Variants in JPH1 observed in about 807,000 individuals in gnomAD.
JPH1 encodes the protein junctophilin-1.
Under a neutral mutation model 53.6 loss-of-function variants are expected in JPH1, and 12 were observed. The ratio of observed to expected loss-of-function variants is 0.22; its 90% confidence interval spans 0.14 to 0.36. The LOEUF (loss-of-function observed/expected upper bound fraction) is 0.36. Among genes scored for constraint, JPH1 ranks in the 10% least tolerant of loss-of-function variants. The pLI is 1.00. For synonymous variants in JPH1, 375 were observed against 363.8 expected (o/e 1.03, Z -0.35); for missense variants, 808 against 905.5 (o/e 0.89, Z 1.38).
intron 2 of JPH1, among the ~76,000 whole-genome samples, chr8:74,309,437 A>G (rs751111189): frequency 1.5e-4 from 23 of 151,972 alleles, no homozygotes; most frequent in Non-Finnish European, 2.6e-4. Context: ...ATCTTCTTGC[A>G]AGATAATTAT....
At chr8:74,317,372 G>A (rs192735860) in intron 1 of JPH1, among the ~76,000 whole-genome samples, 5 of 152,300 alleles carry the variant, frequency 3.3e-5, no homozygotes, top group African/African-American at 1.2e-4. Flanking sequence ...CTTCTGAGGA[G>A]GTGGGTGGCC....
At chr8:74,298,680 A>AAAGAGGATGAAGCTACAG (rs1412646694) in intron 2 of JPH1, among the ~76,000 whole-genome samples, 3 of 152,192 alleles carry the variant, frequency 2.0e-5, no homozygotes, top group Admixed American at 2.0e-4. Flanking sequence ...AGACTTTTCA[A>AAAGAGGATGAAGCTACAG]AAGAGGATGA....
At chr8:74,301,092 C>T (rs781443755) in intron 2 of JPH1, among the ~76,000 whole-genome samples, 1 of 152,180 alleles carries the variant, frequency 6.6e-6, no homozygotes, top group Non-Finnish European at 1.5e-5. Context: ...AGACTTGCCT[C>T]TGTTCCTAAC....
rs1318885060 is a variant in JPH1 at position 74,321,466 on chromosome 8, G to GCCGCCA, written c.-185_-180dup. 5.6e-6 allele frequency: 3 copies of GCCGCCA among 533,958 alleles called. No individual in the cohort carries two copies. The highest frequency in any genetic ancestry group is 9.1e-6 in the Non-Finnish European group (3 of 330,910). The allele number at this position is 533,958 out of a possible 1,614,324, so 33.1% of individuals were successfully genotyped here. The stretch of plus-strand genomic sequence containing the variant: ...CCCCCGTCCTCCCTCCTCTTTTGCC[G>GCCGCCA]CCGCCACCGCCGCCTTCCTCCTCCT... On this transcript the variant is annotated 5_prime_UTR_variant, in exon 1 of 6. Coordinates refer to ENST00000342232, the MANE Select transcript of JPH1 (RefSeq NM_020647.4). This position sits in a 1 kb window ranked among gnomAD's most constrained non-coding sequence, Gnocchi z 4.3.
chr8:74,305,109 A>C (rs1807794704), intron 2 of JPH1, among the ~76,000 whole-genome samples: 1 of 152,250 alleles, frequency 6.6e-6, no homozygotes, highest in African/African-American at 2.4e-5. Flanking sequence ...CATTTGTTGG[A>C]TCCTGCTCCT....
intron 2 of JPH1, among the ~76,000 whole-genome samples, chr8:74,291,296 A>C (rs1381491246): frequency 6.6e-6 from 1 of 152,192 alleles, no homozygotes; most frequent in African/African-American, 2.4e-5. Context: ...AAAAAATCAA[A>C]CAACCTTATC....
chr8:74,250,980 G>A (rs1280958434), intron 3 of JPH1, among the ~76,000 whole-genome samples: 2 of 152,220 alleles, frequency 1.3e-5, no homozygotes, highest in Non-Finnish European at 2.9e-5. Flanking sequence ...GCCAAAATTA[G>A]AAAGTTACTG....
At chr8:74,316,428 G>C (rs936900522) in intron 1 of JPH1, among the ~76,000 whole-genome samples, 1 of 152,214 alleles carries the variant, frequency 6.6e-6, no homozygotes, top group Non-Finnish European at 1.5e-5. Context: ...CCACAGACTA[G>C]AAGCACCCTG....
intron 2 of JPH1, among the ~76,000 whole-genome samples, chr8:74,293,400 A>C (rs1807397971): frequency 6.6e-6 from 1 of 152,148 alleles, no homozygotes; most frequent in Admixed American, 6.5e-5. Context: ...ACACCAATTC[A>C]TTAAGCACTC....
intron 3 of JPH1, among the ~76,000 whole-genome samples, chr8:74,246,703 G>A (rs1456612420): frequency 1.3e-5 from 2 of 152,020 alleles, no homozygotes; most frequent in Non-Finnish European, 2.9e-5. Flanking sequence ...ACCCACCATC[G>A]CAAGTTATAC....
At chr8:74,301,509 C>T (rs1449111532) in intron 2 of JPH1, among the ~76,000 whole-genome samples, 1 of 152,252 alleles carries the variant, frequency 6.6e-6, no homozygotes, top group Non-Finnish European at 1.5e-5. Context: ...TTGTGATCTG[C>T]TGCAGTGGGC....
chr8:74,246,333 C>T (rs757112540), intron 3 of JPH1, among the ~76,000 whole-genome samples: 1 of 152,096 alleles, frequency 6.6e-6, no homozygotes, highest in South Asian at 2.1e-4. Context: ...CTGCCTTCTA[C>T]CCCCAACCCT....
At chr8:74,298,899 T>C (rs1405518832) in intron 2 of JPH1, among the ~76,000 whole-genome samples, 1 of 152,214 alleles carries the variant, frequency 6.6e-6, no homozygotes, top group East Asian at 1.9e-4. Context: ...TGTTTTCAGG[T>C]TCTACTACTG....
chr8:74,287,749 G>C (rs1474721831), intron 2 of JPH1, among the ~76,000 whole-genome samples: 1 of 151,532 alleles, frequency 6.6e-6, no homozygotes, highest in Non-Finnish European at 1.5e-5. Flanking sequence ...ATTTCCGTCT[G>C]ACTATACATT....
chr8:74,295,872 G>A (rs915386968), intron 2 of JPH1, among the ~76,000 whole-genome samples: 13 of 152,042 alleles, frequency 8.6e-5, no homozygotes, highest in African/African-American at 2.7e-4. Context: ...GCAACTCATT[G>A]GTTTTAGCTC....
In JPH1 at chr8:74,244,750, G is replaced by C; in HGVS notation, c.1684C>G (p.His562Asp). 3.1e-6 allele frequency: 5 copies of C among 1,614,212 alleles called. No homozygotes were observed. Among genetic ancestry groups the C allele is most frequent in the Non-Finnish European group, 4.2e-6 (5 of 1,180,048 alleles). ...GYYVKLNAPQ[H>D]PPVDVEDGDG... Reference sequence around the variant, plus strand: ...CCGTCCTCCACGTCTACTGGAGGGTGCTGGGGGGCGTTCAGCTTCACGTAG... The same window carrying C: ...CCGTCCTCCACGTCTACTGGAGGGTCCTGGGGGGCGTTCAGCTTCACGTAG... Residue 562 changes from histidine (H) to aspartate (D), a missense_variant, in exon 4 of 6, where the codon CAC (histidine) becomes GAC (aspartate). By Grantham distance (81) the His-to-Asp change is moderately conservative. Coordinates refer to ENST00000342232, the MANE Select transcript of JPH1 (RefSeq NM_020647.4).
chr8:74,237,458 G>A (rs1470078684), intron 4 of JPH1, among the ~76,000 whole-genome samples, 155 bp from the exon 5 acceptor site: 2 of 152,154 alleles, frequency 1.3e-5, no homozygotes, highest in African/African-American at 2.4e-5. Context: ...GACTAAAAAC[G>A]GCAATGCTAT....
At chr8:74,266,934 A>G (rs1806549907) in intron 2 of JPH1, among the ~76,000 whole-genome samples, 1 of 152,216 alleles carries the variant, frequency 6.6e-6, no homozygotes, top group African/African-American at 2.4e-5. Context: ...ATGCAGGCAG[A>G]CTTATGTGTG....
At chr8:74,250,157 C>CG (rs1374492561) in intron 3 of JPH1, among the ~76,000 whole-genome samples, 9 of 145,164 alleles carry the variant, frequency 6.2e-5, no homozygotes, top group Admixed American at 1.4e-4. Context: ...TTTTTTGAGA[C>CG]GGAGTCTTGC....
Sources: gnomAD v4.1 joint callset for allele counts (sites outside exome capture counted in the v4.1 genomes callset) on GRCh38, gnomAD v4.1.1 for gene constraint, Gnocchi (gnomAD v3.1) non-coding constraint, MANE v1.5 for transcripts, NCBI Gene and HGNC (gene_info 2026-07-23, HGNC 2026-07-21) for gene names.